NAV2: variants seen among roughly 807,000 people sequenced by gnomAD.
NAV2 encodes the protein helicase, APC down-regulated 1.
A neutral mutation model predicts 223.2 loss-of-function variants in NAV2; 54 were observed. The observed-to-expected ratio is 0.24, with a 90% CI of 0.19 to 0.30. The LOEUF is 0.30. NAV2 is among the 10% of genes least tolerant of loss of function. The pLI is 1.00. For synonymous variants in NAV2, 1,279 were observed against 1,239.3 expected (o/e 1.03, Z -0.67); for missense variants, 2,806 against 3,147.5 (o/e 0.89, Z 2.60).
chr11:20,028,131 C>T (rs1216629491), intron 11 of NAV2, among the ~76,000 whole-genome samples: 1 of 152,236 alleles, frequency 6.6e-6, no homozygotes, highest in Non-Finnish European at 1.5e-5. Context: ...GGAATTCTCA[C>T]TCCTCACAAC....
At chr11:19,773,882 C>A (rs184946239) in intron 1 of NAV2, among the ~76,000 whole-genome samples, 120 of 152,320 alleles carry the variant, frequency 7.9e-4, no homozygotes, top group Admixed American at 3.0e-3. Context: ...CTTTTTAAAG[C>A]TATCTTCTTG....
At chr11:19,445,598 G>A (rs1851554404) in intron 1 of NAV2, among the ~76,000 whole-genome samples, 1 of 152,172 alleles carries the variant, frequency 6.6e-6, no homozygotes. Flanking sequence ...GGTCTCTCGA[G>A]CCACATCCAT....
intron 3 of NAV2, among the ~76,000 whole-genome samples, chr11:19,851,794 T>TCTTA (rs1378284892): frequency 2.6e-5 from 4 of 152,244 alleles, no homozygotes; most frequent in Non-Finnish European, 4.4e-5. Flanking sequence ...GAATATGTTA[T>TCTTA]CTTACCTGAT....
intron 1 of NAV2, among the ~76,000 whole-genome samples, chr11:19,489,432 T>G (rs1487841052): frequency 6.6e-6 from 1 of 152,194 alleles, no homozygotes; most frequent in Non-Finnish European, 1.5e-5. Flanking sequence ...AGACTATAGT[T>G]TCATACAGAG....
At chr11:19,834,224 A>G (rs1472170780) in intron 2 of NAV2, among the ~76,000 whole-genome samples, 1 of 152,028 alleles carries the variant, frequency 6.6e-6, no homozygotes, top group Non-Finnish European at 1.5e-5. Context: ...CTTTTAAACT[A>G]TCTCTCATTT....
chr11:19,509,723 C>T (rs2043218954), intron 1 of NAV2, among the ~76,000 whole-genome samples: 1 of 152,148 alleles, frequency 6.6e-6, no homozygotes, highest in Non-Finnish European at 1.5e-5. Context: ...AATGTTTCCC[C>T]CCTAAAGCCT....
In NAV2 at chr11:20,083,123, G is replaced by A. The variant is rs2028570; in HGVS notation, c.5442G>A (p.Pro1814=). 0.55 allele frequency: 891,207 copies of A among 1,612,652 alleles called. 253,561 individuals carry two copies. Among genetic ancestry groups the A allele is most frequent in the South Asian group, 0.72 (65,300 of 91,010 alleles). ...CTTTGCCTTCCTCACCAAAGTTACC[G>A]CACAATGGGTCCACAGGTTCCACCC... The part of the protein sequence containing the change: ...DSSLPSSPKL[P]HNGSTGSTPL... Residue 1814 remains proline, a synonymous_variant, in exon 26 of 38, where the codon CCG becomes CCA. Coordinates refer to ENST00000349880, the MANE Select transcript of NAV2 (RefSeq NM_145117.5).
chr11:19,578,727 C>A (rs954563158), intron 1 of NAV2, among the ~76,000 whole-genome samples: 2 of 152,214 alleles, frequency 1.3e-5, no homozygotes, highest in African/African-American at 4.8e-5. Flanking sequence ...TGTGCCAAAT[C>A]TGGCCATAGC....
intron 35 of NAV2, among the ~76,000 whole-genome samples, chr11:20,107,001 G>T (rs2062176944): frequency 7.0e-6 from 1 of 143,274 alleles, no homozygotes; most frequent in South Asian, 2.2e-4. Flanking sequence ...AAATGTAGAT[G>T]TACCCTCATT....
Position 19,991,602 on chromosome 11 carries a change from G to A in NAV2, c.2768+7355G>A, listed in dbSNP as rs150837556. 4.6e-3 allele frequency among the ~76,000 whole-genome samples: 705 copies of A among 152,182 alleles called. 6 individuals are homozygous for A. The highest frequency in any genetic ancestry group is 7.2e-3 in the African/African-American group (299 of 41,510). On this transcript the variant is annotated intron_variant, in intron 11 of 37. Coordinates refer to ENST00000349880, the MANE Select transcript of NAV2 (RefSeq NM_145117.5). ...TAAAAAGAACAATTATAAAATAAAC[G>A]AGTATAGCATTAAGACTGTGGGGAA...
chr11:19,694,636 C>T (rs1385443814), intron 1 of NAV2, among the ~76,000 whole-genome samples: 1 of 152,216 alleles, frequency 6.6e-6, no homozygotes, highest in Non-Finnish European at 1.5e-5. Flanking sequence ...GTAGAACTCC[C>T]ACTGTCACTT....
At chr11:19,742,234 G>A (rs1364759872) in intron 1 of NAV2, among the ~76,000 whole-genome samples, 1 of 152,132 alleles carries the variant, frequency 6.6e-6, no homozygotes, top group African/African-American at 2.4e-5. Flanking sequence ...GTCAAATACT[G>A]GCTCTACCAC....
intron 1 of NAV2, among the ~76,000 whole-genome samples, chr11:19,445,885 G>C (rs1851566316): frequency 6.6e-6 from 1 of 151,920 alleles, no homozygotes; most frequent in African/African-American, 2.4e-5. Flanking sequence ...GGTAGGTGAT[G>C]TTATTATCCC....
intron 11 of NAV2, among the ~76,000 whole-genome samples, chr11:20,033,877 C>T (rs1233151684): frequency 6.6e-6 from 1 of 152,206 alleles, no homozygotes; most frequent in Non-Finnish European, 1.5e-5. Context: ...CTCAGCATTT[C>T]CCAGGTTCCA....
intron 1 of NAV2, among the ~76,000 whole-genome samples, chr11:19,370,002 T>C (rs375097300): frequency 9.2e-5 from 14 of 152,326 alleles, no homozygotes; most frequent in African/African-American, 3.4e-4. Flanking sequence ...CAGTTGAAGA[T>C]GGTTGAACAC....
intron 1 of NAV2, among the ~76,000 whole-genome samples, chr11:19,548,664 C>T (rs993461664): frequency 4.0e-5 from 6 of 150,210 alleles, no homozygotes; most frequent in African/African-American, 1.5e-4. Context: ...GTCAGGAGAT[C>T]GAGACCATCC....
At chr11:19,950,167 C>T (rs2585774) in intron 10 of NAV2, among the ~76,000 whole-genome samples, 139,785 of 152,336 alleles carry the variant, frequency 0.92, 64,221 homozygotes, top group East Asian at 0.98. Flanking sequence ...GTTAAAGTTA[C>T]AGATAAGAAA....
At chr11:19,557,375 A>G (rs2044930663) in intron 1 of NAV2, among the ~76,000 whole-genome samples, 1 of 152,248 alleles carries the variant, frequency 6.6e-6, no homozygotes, top group Non-Finnish European at 1.5e-5. Context: ...ACGGCTTACG[A>G]TGAGTAAACT....
At chr11:20,044,943 C>G (rs999517889) in intron 13 of NAV2, 25 bp from the exon 14 acceptor site, 1 of 1,571,386 alleles carries the variant, frequency 6.4e-7, no homozygotes, top group African/African-American at 1.4e-5. Context: ...GGCTTGCAGG[C>G]TAATCTTGCT....
Sources: gnomAD v4.1 joint callset for allele counts (sites outside exome capture counted in the v4.1 genomes callset) on GRCh38, gnomAD v4.1.1 for gene constraint, MANE v1.5 for transcripts, NCBI Gene and HGNC (gene_info 2026-07-23, HGNC 2026-07-21) for gene names.